Variants in TAF5L observed in about 807,000 individuals in gnomAD.
The protein encoded by TAF5L is TAF5-like RNA polymerase II p300/CBP-associated factor-associated factor 65 kDa subunit 5L.
Under a neutral mutation model 51.3 loss-of-function variants are expected in TAF5L, and 7 were observed. That is an observed-to-expected ratio of 0.14 (90% CI 0.08 to 0.26). The LOEUF is 0.26. Among genes scored for constraint, TAF5L ranks in the 10% least tolerant of loss-of-function variants. TAF5L has a pLI of 1.00. For synonymous variants in TAF5L, 291 were observed against 308.1 expected, an observed-to-expected ratio of 0.94 and a Z score of 0.58; for missense variants, 575 against 758.9, an observed-to-expected ratio of 0.76 and a Z score of 2.85.
intron 1 of TAF5L, among the ~76,000 whole-genome samples, chr1:229,617,314 G>A (rs1665041908): frequency 6.6e-6 from 1 of 152,228 alleles, no homozygotes; most frequent in Non-Finnish European, 1.5e-5. Context: ...GGCTGTGACA[G>A]TACTGTCCTT....
intron 1 of TAF5L, among the ~76,000 whole-genome samples, chr1:229,617,405 C>T (rs1476215696): frequency 1.3e-5 from 2 of 152,228 alleles, no homozygotes; most frequent in Non-Finnish European, 2.9e-5. Flanking sequence ...TTTCATCTAA[C>T]TTCAAGATCT....
chr1:229,614,028 T>C (rs1035344235), intron 2 of TAF5L: 3 of 597,178 alleles, frequency 5.0e-6, no homozygotes, highest in Non-Finnish European at 8.9e-6. Flanking sequence ...GTCTTGTAGG[T>C]TAATTGTTTA....
intron 3 of TAF5L, among the ~76,000 whole-genome samples, chr1:229,608,524 T>C (rs1050020033): frequency 6.6e-5 from 10 of 152,368 alleles, no homozygotes; most frequent in African/African-American, 2.4e-4. Context: ...TTTCTTTCAT[T>C]GAGAGGTAAG....
chr1:229,600,730 T>C, intron 4 of TAF5L: 1 of 985,452 alleles, frequency 1.0e-6, no homozygotes, highest in Non-Finnish European at 1.2e-6. Context: ...GATACACTTC[T>C]GATACCCGGA....
At chr1:229,603,759 T>C (rs528433907) in intron 3 of TAF5L, among the ~76,000 whole-genome samples, 2 of 152,368 alleles carry the variant, frequency 1.3e-5, no homozygotes, top group South Asian at 2.1e-4. Flanking sequence ...CTTGAATTCA[T>C]GGGTGAATGA....
In TAF5L at chr1:229,602,284, A is replaced by G; in HGVS notation, c.883T>C (p.Trp295Arg). 6.2e-7 allele frequency: 1 copy of G among 1,614,182 alleles called. No individual in the cohort carries two copies. The highest frequency in any genetic ancestry group is 8.5e-7 in the Non-Finnish European group (1 of 1,180,024). The change falls in exon 4 of 5, where the codon TGG (tryptophan) becomes CGG (arginine). Residue 295 changes from tryptophan (W) to arginine (R), a missense_variant. Around this residue, in one of 3 missense-constraint regions of TAF5L, gnomAD observed 380 missense variants for 443.7 expected, o/e 0.86. Transcript: ENST00000258281. This position sits in a 1 kb window ranked among gnomAD's most constrained non-coding sequence, Gnocchi z 4.6. ...TTTAACTTCTTGGATCGTAAACTCCAAAGTTTTATACAGGAGTTGTCAAAC... is the reference window on the plus strand; with the variant it reads ...TTTAACTTCTTGGATCGTAAACTCCGAAGTTTTATACAGGAGTTGTCAAAC...
intron 3 of TAF5L, among the ~76,000 whole-genome samples, chr1:229,603,891 C>T (rs1209291648): frequency 2.6e-5 from 4 of 152,142 alleles, no homozygotes; most frequent in African/African-American, 9.7e-5. Context: ...GGGCAGAAGC[C>T]CCCCAAGGAG....
At chr1:229,623,265 A>G (rs1039514349) in intron 1 of TAF5L, among the ~76,000 whole-genome samples, 35 of 152,268 alleles carry the variant, frequency 2.3e-4, no homozygotes, top group African/African-American at 8.2e-4. Context: ...CAAGAGTGGA[A>G]CTCCGTCTCC....
chr1:229,600,939 C>T (rs1028126151), intron 4 of TAF5L: 11 of 985,060 alleles, frequency 1.1e-5, no homozygotes, highest in Admixed American at 6.2e-5. Context: ...TACAGAAAAT[C>T]GAAAGCAAAT....
chr1:229,620,272 G>A (rs1445182907), intron 1 of TAF5L, among the ~76,000 whole-genome samples: 1 of 152,150 alleles, frequency 6.6e-6, no homozygotes, highest in Non-Finnish European at 1.5e-5. Context: ...TATTGCCCAG[G>A]CTGGTCTCCA....
intron 1 of TAF5L, among the ~76,000 whole-genome samples, chr1:229,620,489 A>G (rs1665163345): frequency 6.6e-6 from 1 of 152,160 alleles, no homozygotes; most frequent in South Asian, 2.1e-4. Flanking sequence ...AAATCACCCC[A>G]ACCCTCATGC....
intron 1 of TAF5L, among the ~76,000 whole-genome samples, chr1:229,623,679 C>G (rs2102769582): frequency 6.6e-6 from 1 of 152,310 alleles, no homozygotes; most frequent in East Asian, 1.9e-4. Flanking sequence ...TGAGCATACT[C>G]GACGCTAAGA....
intron 2 of TAF5L, among the ~76,000 whole-genome samples, chr1:229,613,329 CAAA>C (rs567436350): frequency 7.1e-5 from 6 of 84,584 alleles, no homozygotes; most frequent in African/African-American, 9.1e-5. Context: ...GACTCTGTCT[CAAA>C]AAAAAAAAAA....
At position 229,625,716 on chromosome 1, in the gene TAF5L, AGCCGCCC is replaced by A. The variant is rs1475934968; in HGVS notation, c.-4+162_-4+168del. Among the ~76,000 whole-genome samples, 1 of 144,474 alleles carries A rather than the reference AGCCGCCC, an allele frequency of 6.9e-6. No homozygotes were observed. Among genetic ancestry groups the A allele is most frequent in the South Asian group, 2.1e-4 (1 of 4,694 alleles). 94.8% of individuals were successfully genotyped at this position (144,474 alleles called of 152,430 possible). ...AGGCGCGGCCGTCGCGCCCGCGCAGAGCCGCCCGCCGCCCCCCAGCCCCGCCTCCCGC... is the reference window on the plus strand; with the variant it reads ...AGGCGCGGCCGTCGCGCCCGCGCAGAGCCGCCCCCCAGCCCCGCCTCCCGC... On this transcript the variant is annotated intron_variant, in intron 1 of 4. Coordinates refer to ENST00000258281, the Ensembl canonical transcript of TAF5L. The surrounding 1 kb of genome is among the most constrained non-coding windows in gnomAD (Gnocchi z 4.0).
chr1:229,601,246 T>A, intron 4 of TAF5L: 1 of 985,398 alleles, frequency 1.0e-6, no homozygotes, highest in Non-Finnish European at 1.2e-6. Context: ...GCACCCAATA[T>A]TCTTGACATC....
rs565311926 is a variant in TAF5L, at chr1:229,598,986, C to T, written c.972+3209G>A. Reference sequence around the variant, plus strand: ...TGCTGAGATTACAGGCGTGAGCCACCGCACCCAGCCAGATATCATTTCTAT... The same window carrying T: ...TGCTGAGATTACAGGCGTGAGCCACTGCACCCAGCCAGATATCATTTCTAT... On this transcript the variant is annotated intron_variant, in intron 4 of 4. Transcript: ENST00000258281. Among the ~76,000 whole-genome samples the T allele has an allele frequency of 2.6e-5, 4 of 152,208 alleles. No individual in the cohort carries two copies. The South Asian group carries it at 6.2e-4, about 24-fold the overall frequency.
intron 2 of TAF5L, among the ~76,000 whole-genome samples, chr1:229,613,765 G>A (rs1193915185): frequency 6.6e-6 from 1 of 151,980 alleles, no homozygotes; most frequent in Non-Finnish European, 1.5e-5. Flanking sequence ...GGATACTGAG[G>A]GATGACTATA....
rs1272160081 is a variant in TAF5L at position 229,594,125 on chromosome 1, TGGCCTTC to T, written c.*165_*171del. On this transcript the variant is annotated 3_prime_UTR_variant, in exon 5 of 5. Coordinates refer to ENST00000258281, the Ensembl canonical transcript of TAF5L. The surrounding 1 kb of genome is among the most constrained non-coding windows in gnomAD (Gnocchi z 7.9). ...TCTCTCCTGTTCCCCTCCCCAACCT[TGGCCTTC>T]GACACTGGGGGGCTGAGTGAAGGGG... 1.4e-6 allele frequency: 1 copy of T among 700,528 alleles called. No homozygotes were observed. Among genetic ancestry groups the T allele is most frequent in the Non-Finnish European group, 2.4e-6 (1 of 420,036 alleles). The allele number at this position is 700,528 out of a possible 1,614,324, so 43.4% of individuals were successfully genotyped here.
In TAF5L at chr1:229,625,703, C is replaced by T. The variant is rs1256410606; in HGVS notation, c.-4+182G>A. Among the ~76,000 whole-genome samples, 1 of 147,184 alleles carries T rather than the reference C, an allele frequency of 6.8e-6. No individual in the cohort carries two copies. Among genetic ancestry groups the T allele is most frequent in the African/African-American group, 2.5e-5 (1 of 40,778 alleles). On this transcript the variant is annotated intron_variant, in intron 1 of 4. Coordinates refer to ENST00000258281, the Ensembl canonical transcript of TAF5L. This position sits in a 1 kb window ranked among gnomAD's most constrained non-coding sequence, Gnocchi z 4.0. ...AGGCCGAGGGCGGAGGCGCGGCCGTCGCGCCCGCGCAGAGCCGCCCGCCGC... is the reference window on the plus strand; with the variant it reads ...AGGCCGAGGGCGGAGGCGCGGCCGTTGCGCCCGCGCAGAGCCGCCCGCCGC...
Sources: allele counts gnomAD v4.1 joint callset (sites outside exome capture counted in the v4.1 genomes callset), GRCh38; gene constraint gnomAD v4.1.1; regional missense constraint gnomAD v4.1.1; non-coding constraint Gnocchi (gnomAD v3.1); transcripts MANE v1.5; gene names NCBI Gene and HGNC (gene_info 2026-07-23, HGNC 2026-07-21).